Variants in PLCG2 observed in about 807,000 individuals in gnomAD.
The protein encoded by PLCG2 is 1-phosphatidylinositol 4,5-bisphosphate phosphodiesterase gamma-2.
PLCG2 carries 69 observed loss-of-function variants against 175.6 expected under a neutral mutation model. The ratio of observed to expected loss-of-function variants is 0.39; its 90% confidence interval spans 0.32 to 0.48. PLCG2 has a LOEUF of 0.48. Ranked by LOEUF, PLCG2 falls within the 20% of genes least tolerant of loss-of-function variation. PLCG2 has a pLI of 0.91. For missense variants in PLCG2, 1,798 were observed against 1,650.9 expected (o/e 1.09, Z -1.54); for synonymous variants, 827 against 624.0 (o/e 1.33, Z -4.85).
chr16:81,891,254 G>A (rs955952308), intron 10 of PLCG2, among the ~76,000 whole-genome samples: 3 of 152,156 alleles, frequency 2.0e-5, no homozygotes, highest in African/African-American at 4.8e-5. Context: ...CATTACAAAG[G>A]AAAATATTGT....
Position 81,744,655 on chromosome 16 carries a change from C to G in PLCG2, c.-145+5270C>G, listed in dbSNP as rs1025339317. On this transcript the variant is annotated intron_variant, in intron 1 of 5. Transcript: ENST00000565054. Reference sequence around the variant, plus strand: ...CACCCAGACCATGGCTCTCTGCAGCCTTGACCTCCTGGGCTCAAGTGATCT... The same window carrying G: ...CACCCAGACCATGGCTCTCTGCAGCGTTGACCTCCTGGGCTCAAGTGATCT... 2.6e-5 allele frequency among the ~76,000 whole-genome samples: 4 copies of G among 152,130 alleles called. No homozygotes were observed. The East Asian group carries it at 5.8e-4, about 22-fold the overall frequency.
At chr16:81,885,067 T>G (rs1908289990) in intron 9 of PLCG2, among the ~76,000 whole-genome samples, 1 of 151,820 alleles carries the variant, frequency 6.6e-6, no homozygotes, top group African/African-American at 2.4e-5. Context: ...TTTTTTTTTT[T>G]TTGAGATAGA....
chr16:81,808,885 A>AG (rs1904294762), intron 2 of PLCG2, among the ~76,000 whole-genome samples: 1 of 152,132 alleles, frequency 6.6e-6, no homozygotes, highest in Non-Finnish European at 1.5e-5. Flanking sequence ...AGCATGCTGG[A>AG]GGGGCTCCCA....
At chr16:81,895,179 C>G (rs564663046) in intron 12 of PLCG2, among the ~76,000 whole-genome samples, 1 of 152,322 alleles carries the variant, frequency 6.6e-6, no homozygotes, top group Admixed American at 6.5e-5. Flanking sequence ...TCTCATTGCT[C>G]TGTATCATTT....
intron 3 of PLCG2, chr16:81,857,998 C>T (rs77577233): frequency 1.5e-5 from 7 of 456,140 alleles, no homozygotes; most frequent in Admixed American, 6.7e-5. Context: ...TCCCTCCATT[C>T]TTAGCTGATT....
At chr16:81,939,107 C>G (rs1369671774) in intron 29 of PLCG2, among the ~76,000 whole-genome samples, 192 bp downstream of exon 29, 1 of 152,110 alleles carries the variant, frequency 6.6e-6, no homozygotes, top group Non-Finnish European at 1.5e-5. Context: ...CTTAGACTTT[C>G]CCCAGTGCTG....
At chr16:81,797,461 A>G (rs1207250361) in intron 2 of PLCG2, among the ~76,000 whole-genome samples, 2 of 152,200 alleles carry the variant, frequency 1.3e-5, no homozygotes, top group Non-Finnish European at 2.9e-5. Flanking sequence ...CTTTCATGCA[A>G]GGCCCGATCT....
intron 2 of PLCG2, among the ~76,000 whole-genome samples, chr16:81,805,295 C>G (rs187797955): frequency 2.6e-5 from 4 of 151,996 alleles, no homozygotes; most frequent in African/African-American, 7.2e-5. Context: ...GTCAGGAGAT[C>G]GAGACCATCC....
At chr16:81,890,770 G>A (rs1199982259) in intron 10 of PLCG2, among the ~76,000 whole-genome samples, 2 of 152,162 alleles carry the variant, frequency 1.3e-5, no homozygotes, top group Non-Finnish European at 2.9e-5. Flanking sequence ...ATTGTAACTT[G>A]AAATTTCCTG....
chr16:81,806,296 T>C (rs1447723260), intron 2 of PLCG2, among the ~76,000 whole-genome samples: 1 of 152,028 alleles, frequency 6.6e-6, no homozygotes, highest in East Asian at 1.9e-4. Flanking sequence ...GCATTCTCCA[T>C]GTGGCAGGTA....
chr16:81,777,745 G>C (rs563592327), upstream of PLCG2, among the ~76,000 whole-genome samples: 2 of 152,234 alleles, frequency 1.3e-5, no homozygotes, highest in East Asian at 1.9e-4. Flanking sequence ...GCCGGGTGCA[G>C]TGGCTCATGC....
At chr16:81,897,597 G>C (rs1158088953) in intron 13 of PLCG2, among the ~76,000 whole-genome samples, 2 of 143,724 alleles carry the variant, frequency 1.4e-5, no homozygotes, top group African/African-American at 5.2e-5. Context: ...CCAGGCTAGA[G>C]TGCAATGGCA....
chr16:81,777,988 G>T (rs1358162450), upstream of PLCG2, among the ~76,000 whole-genome samples: 1 of 118,940 alleles, frequency 8.4e-6, no homozygotes, highest in African/African-American at 3.2e-5. Context: ...CTGCACTCCA[G>T]CCTGGGCAAG....
At chr16:81,788,421 C>T (rs1028419125) in intron 2 of PLCG2, among the ~76,000 whole-genome samples, 10 of 152,186 alleles carry the variant, frequency 6.6e-5, no homozygotes, top group Non-Finnish European at 1.5e-4. Flanking sequence ...GCTGGGACTA[C>T]AGGCGCCCGC....
rs573799583 is a variant in PLCG2 at position 81,910,707 on chromosome 16, C to A, written c.1921C>A (p.His641Asn). The A allele has an allele frequency of 6.9e-5, 111 of 1,609,562 alleles. No individual in the cohort carries two copies. Among genetic ancestry groups the A allele is most frequent in the Non-Finnish European group, 9.3e-5 (110 of 1,179,948 alleles). Residue 641 changes from histidine (H) to asparagine (N), a missense_variant, in exon 18 of 33, where the codon CAC (histidine) becomes AAC (asparagine). His to Asn is a moderately conservative substitution (Grantham distance 68, BLOSUM62 1). Coordinates refer to ENST00000564138, the MANE Select transcript of PLCG2 (RefSeq NM_002661.5). The stretch of plus-strand genomic sequence containing the variant: ...GGACCCTGTGCCCAACCCCAACCCC[C>A]ACGAGTCCAAGCCGTACGTGTCTGA... ...LTDPVPNPNPHESKPWYYDSL... is the reference protein window; with the variant it reads ...LTDPVPNPNPNESKPWYYDSL...
At chr16:81,765,394 GC>G (rs1910126586) in intron 2 of PLCG2, among the ~76,000 whole-genome samples, 1 of 152,264 alleles carries the variant, frequency 6.6e-6, no homozygotes, top group African/African-American at 2.4e-5. Flanking sequence ...ACTTTGGGAG[GC>G]CCAGGAGGGC....
intron 6 of PLCG2, among the ~76,000 whole-genome samples, chr16:81,869,906 T>C (rs1317831713): frequency 6.6e-6 from 1 of 152,166 alleles, no homozygotes; most frequent in Non-Finnish European, 1.5e-5. Context: ...TACAGGGAAA[T>C]ACTCATTCTT....
chr16:81,916,161 T>C (rs1399005112), intron 19 of PLCG2, among the ~76,000 whole-genome samples: 2 of 152,150 alleles, frequency 1.3e-5, no homozygotes, highest in Non-Finnish European at 2.9e-5. Flanking sequence ...GAATAAATAT[T>C]TAATAAAATA....
rs1420066208 is a variant in PLCG2 at position 81,919,615 on chromosome 16, T to C, written c.2186T>C (p.Met729Thr). ...YYEKHSLYRK[M>T]RLRYPVTPEL... ...GAGAAGCATTCACTCTACCGAAAGA[T>C]GAGACTGCGCTACCCCGTGACCCCC... is the stretch of plus-strand genomic sequence containing the variant. The change falls in exon 20 of 33, where the codon ATG becomes ACG. Residue 729 changes from methionine to threonine, a missense_variant. Met to Thr is a moderately conservative substitution (Grantham distance 81). Coordinates refer to ENST00000564138, the MANE Select transcript of PLCG2 (RefSeq NM_002661.5). The C allele has an allele frequency of 4.3e-6, 7 of 1,613,988 alleles. No individual in the cohort carries two copies. Among genetic ancestry groups the C allele is most frequent in the Non-Finnish European group, 5.9e-6 (7 of 1,179,980 alleles).
Sources: allele counts gnomAD v4.1 joint callset (sites outside exome capture counted in the v4.1 genomes callset), GRCh38; gene constraint gnomAD v4.1.1; transcripts MANE v1.5; gene names NCBI Gene and HGNC (gene_info 2026-07-23, HGNC 2026-07-21).